CARMIL3: variants seen among roughly 807,000 people sequenced by gnomAD.
The protein encoded by CARMIL3 is capping protein, Arp2/3 and myosin-I linker protein 3.
Under a neutral mutation model 180.8 loss-of-function variants are expected in CARMIL3, and 88 were observed. The observed-to-expected ratio is 0.49, with a 90% CI of 0.41 to 0.58. The LOEUF (loss-of-function observed/expected upper bound fraction) is 0.58, where lower values mean the gene tolerates loss of function less well. Among genes scored for constraint, CARMIL3 ranks in the 20% least tolerant of loss-of-function variants. CARMIL3 has a pLI of 0.00. For missense variants in CARMIL3, 1,548 were observed against 1,787.0 expected (o/e 0.87, Z 2.41); for synonymous variants, 696 against 714.5 (o/e 0.97, Z 0.41).
Position 24,054,192 on chromosome 14 carries a change from C to T in CARMIL3, c.187-50C>T. The T allele has an allele frequency of 1.2e-6, 2 of 1,614,126 alleles. No homozygotes were observed. The highest frequency in any genetic ancestry group is 1.7e-6 in the Non-Finnish European group (2 of 1,179,944). On this transcript the variant is annotated intron_variant, in intron 3 of 39. Transcript: ENST00000342740. This position sits in a 1 kb window ranked among gnomAD's most constrained non-coding sequence, Gnocchi z 5.1. ...CCTGGCATGCTCCCTACCTCCCAAG[C>T]CTGGCAACCCAGGTCCTTACCAGGA... is the stretch of plus-strand genomic sequence containing the variant.
chr14:24,068,523 CAG>C (rs1341003913), intron 36 of CARMIL3, 59 bp from the exon 37 acceptor site: 3 of 1,448,960 alleles, frequency 2.1e-6, no homozygotes, highest in East Asian at 4.7e-5. Context: ...AGAGAGGAGA[CAG>C]GGACAGGAGC....
chr14:24,062,207 G>T (rs1387896570), intron 27 of CARMIL3: 1 of 549,914 alleles, frequency 1.8e-6, no homozygotes, highest in Admixed American at 3.1e-5. Context: ...GGGCTCCAGG[G>T]GCCTGACCTA....
chr14:24,060,907 A>G lies in CARMIL3; in HGVS notation c.2191-20A>G, dbSNP rs1253394261. On this transcript the variant is annotated intron_variant, in intron 25 of 39. Transcript: ENST00000342740. ...AAGTCCTGGTTCTGGCCTGCTAATC[A>G]TAACCCCTTCCTTCTCCAGCTGTTT... 1.3e-6 allele frequency: 2 copies of G among 1,550,246 alleles called. No individual in the cohort carries two copies. The highest frequency in any genetic ancestry group is 8.7e-7 in the Non-Finnish European group (1 of 1,145,952).
Position 24,058,369 on chromosome 14 carries a change from T to A in CARMIL3, c.1392+145T>A. 1 of 852,484 alleles carries A rather than the reference T, an allele frequency of 1.2e-6. No individual in the cohort carries two copies. Among genetic ancestry groups the A allele is most frequent in the Non-Finnish European group, 1.8e-6 (1 of 547,878 alleles). 52.8% of individuals were successfully genotyped at this position (852,484 alleles called of 1,614,324 possible). ...CCACACCACCACTTTCCCCTCTCAG[T>A]CTGGCCTCTTTTCCAGAGGCCATTC... is the stretch of plus-strand genomic sequence containing the variant. On this transcript the variant is annotated intron_variant, in intron 17 of 39. Transcript: ENST00000342740. The surrounding 1 kb of genome is among the most constrained non-coding windows in gnomAD (Gnocchi z 6.4).
At chr14:24,065,431 C>T in intron 33 of CARMIL3, 158 bp downstream of exon 33, 1 of 1,050,046 alleles carries the variant, frequency 9.5e-7, no homozygotes, top group South Asian at 1.7e-5. Context: ...TGGACTAAGA[C>T]CCAGTGGCCA....
intron 31 of CARMIL3, 41 bp from the exon 32 acceptor site, chr14:24,064,205 T>A (rs760249936): frequency 6.8e-7 from 1 of 1,478,274 alleles, no homozygotes; most frequent in Non-Finnish European, 9.3e-7. Context: ...TGGGGCTTCC[T>A]GACCTAGATG....
At chr14:24,067,274 G>A (rs890499481) in intron 36 of CARMIL3, among the ~76,000 whole-genome samples, 1 of 152,236 alleles carries the variant, frequency 6.6e-6, no homozygotes, top group Non-Finnish European at 1.5e-5. Flanking sequence ...CTTCCTTTCT[G>A]CTGGCTTCAG....
chr14:24,062,650 C>A, intron 28 of CARMIL3, 59 bp from the exon 29 acceptor site: 1 of 1,612,768 alleles, frequency 6.2e-7, no homozygotes, highest in Admixed American at 1.7e-5. Context: ...CCCTCCCCTT[C>A]AAGGCCCTGG....
At chr14:24,062,914 C>T (rs2035747004) in intron 29 of CARMIL3, 68 bp downstream of exon 29, 2 of 1,555,880 alleles carry the variant, frequency 1.3e-6, no homozygotes, top group Admixed American at 3.7e-5. Context: ...ACAACACTGT[C>T]CCCTTCCACT....
chr14:24,060,679 C>T lies in CARMIL3; in HGVS notation c.2113C>T (p.Leu705=). The part of the protein sequence containing the change: ...RVQEEVRALR[L]CPLEPVQDEL... ...GCAGGAGGAGGTGCGGGCCCTGAGA[C>T]TATGCCCCCTGGAGCCTGTGCAGGA... Residue 705 remains leucine (L), a synonymous_variant, in exon 25 of 40, where the codon CTA becomes TTA. Coordinates refer to ENST00000342740, the MANE Select transcript of CARMIL3 (RefSeq NM_138360.4). The T allele has an allele frequency of 6.2e-7, 1 of 1,613,862 alleles. No homozygotes were observed. The highest frequency in any genetic ancestry group is 2.2e-5 in the East Asian group (1 of 44,880).
chr14:24,062,391 C>T, intron 27 of CARMIL3, 89 bp from the exon 28 acceptor site: 1 of 1,219,602 alleles, frequency 8.2e-7, no homozygotes, highest in South Asian at 1.2e-5. Context: ...GCTGGCCGTT[C>T]TCTCAGGCTT....
In CARMIL3 at chr14:24,052,029, A is replaced by G; in HGVS notation, c.-125A>G. On this transcript the variant is annotated 5_prime_UTR_variant, in exon 1 of 40. Coordinates refer to ENST00000342740, the MANE Select transcript of CARMIL3 (RefSeq NM_138360.4). ...CGCTCAAGCAGCCGCCCCTGACCGG[A>G]GCGGGCTCGGCCGCTGCTGCAGCGC... 1.1e-6 allele frequency: 1 copy of G among 911,278 alleles called. No individual in the cohort carries two copies. Among genetic ancestry groups the G allele is most frequent in the Non-Finnish European group, 1.5e-6 (1 of 663,964 alleles). 56.4% of individuals were successfully genotyped at this position (911,278 alleles called of 1,614,324 possible).
At position 24,069,506 on chromosome 14, in the gene CARMIL3, A is replaced by G; in HGVS notation, c.*102A>G. 1 of 1,500,048 alleles carries G rather than the reference A, an allele frequency of 6.7e-7. No homozygotes were observed. Among genetic ancestry groups the G allele is most frequent in the Non-Finnish European group, 9.2e-7 (1 of 1,092,184 alleles). 92.9% of individuals were successfully genotyped at this position (1,500,048 alleles called of 1,614,324 possible). On this transcript the variant is annotated 3_prime_UTR_variant, in exon 40 of 40. Transcript: ENST00000342740. ...AGGGCCCCCTGCCAGCCCCTGTCCTACAGGGGCAAGACGGCAGGACCAGGC... is the reference window on the plus strand; with the variant it reads ...AGGGCCCCCTGCCAGCCCCTGTCCTGCAGGGGCAAGACGGCAGGACCAGGC...
At chr14:24,065,580 C>T (rs1338556846) in intron 33 of CARMIL3, 42 bp from the exon 34 acceptor site, 3 of 1,568,088 alleles carry the variant, frequency 1.9e-6, no homozygotes, top group Non-Finnish European at 2.6e-6. Flanking sequence ...GGGGAGCCCC[C>T]TTCGACTGGG....
chr14:24,064,156 G>T, intron 31 of CARMIL3, 90 bp from the exon 32 acceptor site: 45 of 737,636 alleles, frequency 6.1e-5, no homozygotes, highest in Middle Eastern at 2.4e-4. Flanking sequence ...TTCCATAAAT[G>T]TCCAAGCCCA....
chr14:24,069,446 G>A lies in CARMIL3; in HGVS notation c.*42G>A, dbSNP rs201507603. The A allele has an allele frequency of 3.2e-5, 51 of 1,613,456 alleles. No homozygotes were observed. The Admixed American group carries it at 5.8e-4, about 18-fold the overall frequency. ...CTCCTCAGCCCTCGACATGTGCCTC[G>A]CAAGGACTCAGACCCCTATCCACCC... On this transcript the variant is annotated 3_prime_UTR_variant, in exon 40 of 40. Coordinates refer to ENST00000342740, the MANE Select transcript of CARMIL3 (RefSeq NM_138360.4).
chr14:24,068,092 C>G (rs183138666), intron 36 of CARMIL3, among the ~76,000 whole-genome samples: 1 of 152,180 alleles, frequency 6.6e-6, no homozygotes, highest in Non-Finnish European at 1.5e-5. Flanking sequence ...GGCTAAGGAG[C>G]GTGGATGTAG....
At chr14:24,062,913 T>A in intron 29 of CARMIL3, 67 bp downstream of exon 29, 1 of 1,556,956 alleles carries the variant, frequency 6.4e-7, no homozygotes, top group Middle Eastern at 2.3e-4. Context: ...CACAACACTG[T>A]CCCCTTCCAC....
chr14:24,056,834 T>A, intron 12 of CARMIL3, 81 bp from the exon 13 acceptor site: 1 of 1,537,854 alleles, frequency 6.5e-7, no homozygotes, highest in Non-Finnish European at 9.0e-7. Flanking sequence ...GGAGCCACGT[T>A]TGGGGAGAGG....
Sources: allele counts gnomAD v4.1 joint callset (sites outside exome capture counted in the v4.1 genomes callset), GRCh38; gene constraint gnomAD v4.1.1; non-coding constraint Gnocchi (gnomAD v3.1); transcripts MANE v1.5; gene names NCBI Gene and HGNC (gene_info 2026-07-23, HGNC 2026-07-21).